Variants in SMAP1 observed in about 807,000 individuals in gnomAD.
The protein encoded by SMAP1 is small ArfGAP 1.
Under a neutral mutation model 58.5 loss-of-function variants are expected in SMAP1, and 24 were observed. The ratio of observed to expected loss-of-function variants is 0.41; its 90% CI spans 0.30 to 0.58. The LOEUF is 0.58. Ranked by LOEUF, SMAP1 falls within the 20% of genes least tolerant of loss-of-function variation. The pLI, the probability that SMAP1 is intolerant of heterozygous loss-of-function variation, is 0.29. For missense variants in SMAP1, 563 were observed against 566.3 expected (o/e 0.99, Z 0.06); for synonymous variants, 216 against 196.6 (o/e 1.10, Z -0.82).
chr6:70,748,622 GTGC>G (rs1217552173), intron 2 of SMAP1, among the ~76,000 whole-genome samples: 2 of 151,970 alleles, frequency 1.3e-5, no homozygotes, highest in Non-Finnish European at 2.9e-5. Context: ...TCTGATTCAA[GTGC>G]TGCTTGGATA....
At chr6:70,797,647 A>G (rs1269853347) in intron 5 of SMAP1, among the ~76,000 whole-genome samples, 6 of 152,078 alleles carry the variant, frequency 3.9e-5, no homozygotes, top group East Asian at 3.8e-4. Flanking sequence ...TGCCAATATT[A>G]TATTTCCTGA....
chr6:70,772,626 A>G (rs546133475), intron 3 of SMAP1, among the ~76,000 whole-genome samples: 2 of 152,350 alleles, frequency 1.3e-5, no homozygotes, highest in African/African-American at 4.8e-5. Flanking sequence ...CTAAACACTC[A>G]ATCCCAGTAT....
intron 6 of SMAP1, among the ~76,000 whole-genome samples, chr6:70,827,966 G>A (rs1770203933): frequency 6.6e-6 from 1 of 152,096 alleles, no homozygotes; most frequent in South Asian, 2.1e-4. Flanking sequence ...ATAAAGAATG[G>A]TAAACAGGAG....
chr6:70,748,258 T>C (rs1766130389), intron 2 of SMAP1, among the ~76,000 whole-genome samples: 1 of 152,218 alleles, frequency 6.6e-6, no homozygotes. Flanking sequence ...TCATTTTTCT[T>C]TATAAAAGTT....
At chr6:70,828,460 T>C (rs1485652475) in intron 6 of SMAP1, among the ~76,000 whole-genome samples, 2 of 152,186 alleles carry the variant, frequency 1.3e-5, no homozygotes, top group African/African-American at 2.4e-5. Flanking sequence ...GATTAGTTTT[T>C]TCCTAAAGTA....
chr6:70,668,700 T>A (rs1018098565), intron 1 of SMAP1: 2 of 1,535,782 alleles, frequency 1.3e-6, no homozygotes, highest in African/African-American at 2.7e-5. Flanking sequence ...TGAAAAAGAG[T>A]ATGGTGGTCT....
intron 4 of SMAP1, among the ~76,000 whole-genome samples, chr6:70,774,435 T>C (rs1208297267): frequency 6.6e-6 from 1 of 152,232 alleles, no homozygotes; most frequent in Non-Finnish European, 1.5e-5. Flanking sequence ...TTAGATACTA[T>C]GGAAATAGAT....
Position 70,769,268 on chromosome 6 carries a change from C to T in SMAP1, c.339-4082C>T, listed in dbSNP as rs147558111. 3.6e-3 allele frequency among the ~76,000 whole-genome samples: 548 copies of T among 152,182 alleles called. 2 individuals carry two copies. Among genetic ancestry groups the T allele is most frequent in the African/African-American group, 7.6e-3 (314 of 41,508 alleles). On this transcript the variant is annotated intron_variant, in intron 3 of 10. Transcript: ENST00000370455. ...GAGTTCTGTAGATGTCTATTAAGTCCGCTTGGTGCAGAGCTGAGTTCAATT... is the reference window on the plus strand; with the variant it reads ...GAGTTCTGTAGATGTCTATTAAGTCTGCTTGGTGCAGAGCTGAGTTCAATT...
At chr6:70,791,543 T>C in intron 4 of SMAP1, 146 bp from the exon 5 acceptor site, 1 of 552,184 alleles carries the variant, frequency 1.8e-6, no homozygotes, top group Non-Finnish European at 3.2e-6. Context: ...TACTTATTTC[T>C]TGATGCATTG....
intron 7 of SMAP1, among the ~76,000 whole-genome samples, chr6:70,847,768 C>G (rs569248984): frequency 6.6e-6 from 1 of 152,248 alleles, no homozygotes; most frequent in South Asian, 2.1e-4. Flanking sequence ...CTGCTGCTCC[C>G]ACCATCATTC....
chr6:70,760,045 A>G (rs1355652763), intron 3 of SMAP1: 1 of 233,028 alleles, frequency 4.3e-6, no homozygotes, highest in African/African-American at 2.2e-5. Context: ...AAGCCTCCAG[A>G]CTTTCCCTCC....
chr6:70,745,402 T>C (rs1324676350), intron 2 of SMAP1, among the ~76,000 whole-genome samples: 1 of 152,206 alleles, frequency 6.6e-6, no homozygotes, highest in Non-Finnish European at 1.5e-5. Flanking sequence ...GGCTAGCCAG[T>C]TTTCCCAGCA....
intron 1 of SMAP1, among the ~76,000 whole-genome samples, chr6:70,698,217 T>C (rs1490653273): frequency 2.0e-5 from 3 of 152,214 alleles, no homozygotes; most frequent in Non-Finnish European, 4.4e-5. Context: ...ACTTAAAATA[T>C]GTCATATCAC....
In SMAP1 at chr6:70,821,128, A is replaced by T. The variant is rs138384009; in HGVS notation, c.577-15813A>T. Among the ~76,000 whole-genome samples the T allele has an allele frequency of 2.1e-3, 311 of 151,430 alleles. 1 individual carries two copies. The highest frequency in any genetic ancestry group is 6.1e-3 in the African/African-American group (253 of 41,314). On this transcript the variant is annotated intron_variant, in intron 6 of 10. Coordinates refer to ENST00000370455, the MANE Select transcript of SMAP1 (RefSeq NM_001044305.3). ...TTTAAAGAGAAAAATTAAGAGGATT[A>T]TTAAAAACTTTGAATCACTATTTAG...
intron 2 of SMAP1, among the ~76,000 whole-genome samples, chr6:70,747,321 G>A (rs919676332): frequency 6.6e-6 from 1 of 152,182 alleles, no homozygotes; most frequent in Non-Finnish European, 1.5e-5. Flanking sequence ...TGTGCTGAGG[G>A]CCTTTCAGGT....
intron 3 of SMAP1, among the ~76,000 whole-genome samples, chr6:70,766,716 A>G (rs1767005420): frequency 6.6e-6 from 1 of 152,084 alleles, no homozygotes; most frequent in Non-Finnish European, 1.5e-5. Context: ...CTCTGATGGT[A>G]GTTTCTTTTG....
intron 1 of SMAP1, among the ~76,000 whole-genome samples, chr6:70,692,742 A>C (rs1767225581): frequency 6.6e-6 from 1 of 151,930 alleles, no homozygotes; most frequent in Admixed American, 6.6e-5. Context: ...GTATGGATTT[A>C]TTTCTGGGTT....
intron 1 of SMAP1, among the ~76,000 whole-genome samples, chr6:70,717,124 A>G (rs1270165435): frequency 1.3e-5 from 2 of 152,134 alleles, no homozygotes; most frequent in African/African-American, 2.4e-5. Flanking sequence ...GTTCTGCCAG[A>G]TGAATTAGAA....
chr6:70,817,205 A>G (rs1356554116), intron 6 of SMAP1, among the ~76,000 whole-genome samples: 1 of 151,270 alleles, frequency 6.6e-6, no homozygotes, highest in African/African-American at 2.4e-5. Context: ...TTATTATTCT[A>G]CTGAATAGAT....
Sources: gnomAD v4.1 joint callset for allele counts (sites outside exome capture counted in the v4.1 genomes callset) on GRCh38, gnomAD v4.1.1 for gene constraint, MANE v1.5 for transcripts, NCBI Gene and HGNC (gene_info 2026-07-23, HGNC 2026-07-21) for gene names.